The following NCALD variants were observed in gnomAD, a reference collection of about 807,000 sequenced individuals.
The protein encoded by NCALD is neurocalcin-delta.
Under a neutral mutation model 18.6 loss-of-function variants are expected in NCALD, and 10 were observed. The observed-to-expected ratio is 0.54, with a 90% CI of 0.33 to 0.91. The LOEUF is 0.91. Ranked by LOEUF, NCALD falls within the 40% of genes least tolerant of loss-of-function variation. The probability of loss-of-function intolerance (pLI) is 0.03; values close to 1 mark genes in which losing one functional copy is unlikely to be tolerated. For missense variants in NCALD, 184 were observed against 247.6 expected (o/e 0.74, Z 1.72); for synonymous variants, 88 against 87.4 (o/e 1.01, Z -0.04).
intron 1 of NCALD, among the ~76,000 whole-genome samples, chr8:101,776,877 C>G (rs1275514685): frequency 3.3e-5 from 5 of 152,170 alleles, no homozygotes; most frequent in Non-Finnish European, 7.3e-5. Context: ...AACAAAACAG[C>G]TCTATTTAGA....
At chr8:101,820,785 C>G (rs181751306) in intron 4 of NCALD, among the ~76,000 whole-genome samples, 2 of 152,150 alleles carry the variant, frequency 1.3e-5, no homozygotes, top group South Asian at 4.2e-4. Context: ...GTCCCTTGAC[C>G]CTTAACTTCT....
intron 2 of NCALD, among the ~76,000 whole-genome samples, chr8:101,993,577 A>T (rs1821130575): frequency 6.6e-6 from 1 of 152,206 alleles, no homozygotes; most frequent in Non-Finnish European, 1.5e-5. Context: ...AAGCAGGGGC[A>T]GGTCTGGCAC....
chr8:101,704,566 T>C (rs2130196650), intron 2 of NCALD, among the ~76,000 whole-genome samples: 1 of 152,266 alleles, frequency 6.6e-6, no homozygotes, highest in South Asian at 2.1e-4. Flanking sequence ...TTGAGAGAGA[T>C]GGGGACCCAG....
intron 1 of NCALD, among the ~76,000 whole-genome samples, chr8:101,729,462 T>C (rs560436830): frequency 2.2e-4 from 34 of 152,338 alleles, no homozygotes; most frequent in African/African-American, 7.7e-4. Context: ...CGAAATATGT[T>C]ACAAAGCCAT....
chr8:102,005,704 A>C (rs1398258341), intron 2 of NCALD, among the ~76,000 whole-genome samples: 2 of 152,220 alleles, frequency 1.3e-5, no homozygotes, highest in African/African-American at 4.8e-5. Context: ...TCCATAAAAA[A>C]TGATGACTTC....
chr8:101,848,693 A>G (rs1814971149), intron 4 of NCALD, among the ~76,000 whole-genome samples: 3 of 152,154 alleles, frequency 2.0e-5, no homozygotes, highest in Admixed American at 2.0e-4. Flanking sequence ...TTAAAGGATA[A>G]GATTTACAAT....
intron 1 of NCALD, among the ~76,000 whole-genome samples, chr8:101,742,757 C>T (rs1316362847): frequency 1.3e-5 from 2 of 152,026 alleles, no homozygotes; most frequent in Non-Finnish European, 2.9e-5. Flanking sequence ...TCTGCTGTGC[C>T]TGTCAACCTA....
chr8:102,097,303 C>T (rs1201979872), intron 1 of NCALD, among the ~76,000 whole-genome samples: 1 of 152,210 alleles, frequency 6.6e-6, no homozygotes, highest in Non-Finnish European at 1.5e-5. Context: ...CTAACATTCA[C>T]ACTGCACTTG....
At chr8:101,841,263 T>G (rs1163851280) in intron 4 of NCALD, among the ~76,000 whole-genome samples, 1 of 152,228 alleles carries the variant, frequency 6.6e-6, no homozygotes, top group African/African-American at 2.4e-5. Flanking sequence ...TGCTGTGGCC[T>G]GAAGCCAGTG....
chr8:101,954,744 T>C (rs1054743569), intron 2 of NCALD, among the ~76,000 whole-genome samples: 25 of 152,346 alleles, frequency 1.6e-4, no homozygotes, highest in African/African-American at 5.8e-4. Flanking sequence ...TTCCTGGCAG[T>C]GTAAATAGAC....
chr8:101,826,825 C>T (rs1357425946), intron 4 of NCALD, among the ~76,000 whole-genome samples: 1 of 152,162 alleles, frequency 6.6e-6, no homozygotes, highest in Non-Finnish European at 1.5e-5. Context: ...AATCACCTTG[C>T]CTCCGCTTTA....
chr8:101,996,272 G>A (rs925976044), intron 2 of NCALD, among the ~76,000 whole-genome samples: 45 of 152,224 alleles, frequency 3.0e-4, no homozygotes, highest in Admixed American at 1.0e-3. Context: ...TAAGTTTCCA[G>A]GCTGTATGCC....
chr8:101,723,547 A>T (rs1359429656), intron 1 of NCALD, among the ~76,000 whole-genome samples: 2 of 152,242 alleles, frequency 1.3e-5, no homozygotes, highest in African/African-American at 4.8e-5. Flanking sequence ...TTATTTAAAT[A>T]GTCAAAAATA....
At chr8:101,939,800 A>T (rs17495818) in intron 2 of NCALD, among the ~76,000 whole-genome samples, 10 of 151,998 alleles carry the variant, frequency 6.6e-5, no homozygotes, top group Non-Finnish European at 1.0e-4. Flanking sequence ...GGTATTTCCC[A>T]TCTGATAATG....
intron 2 of NCALD, among the ~76,000 whole-genome samples, chr8:101,943,282 T>G (rs1405547516): frequency 6.6e-6 from 1 of 152,206 alleles, no homozygotes; most frequent in East Asian, 1.9e-4. Flanking sequence ...CCTAGAACTT[T>G]ACCAACAACC....
At chr8:101,779,939 G>A (rs1811946864) in intron 1 of NCALD, 1 of 152,022 alleles carries the variant, frequency 6.6e-6, no homozygotes, top group African/African-American at 2.4e-5. Flanking sequence ...ACAGCTGTGT[G>A]AAGTTCAAAT....
intron 1 of NCALD, among the ~76,000 whole-genome samples, chr8:102,026,116 C>T (rs1314513873): frequency 1.3e-5 from 2 of 152,192 alleles, no homozygotes; most frequent in Non-Finnish European, 2.9e-5. Context: ...ATGGGAACTA[C>T]AGTTCAAGAT....
intron 2 of NCALD, among the ~76,000 whole-genome samples, chr8:102,003,505 A>G (rs898748797): frequency 7.1e-4 from 108 of 152,362 alleles, no homozygotes; most frequent in Middle Eastern, 3.4e-3. Context: ...ATAGAAAAAG[A>G]GGGAATCCTC....
chr8:101,801,184 A>G lies in NCALD; in HGVS notation c.-19-81536T>C, dbSNP rs546047407. On this transcript the variant is annotated intron_variant, in intron 4 of 6. Transcript: ENST00000311028. ...AGCAAGAAGTGCTACTAAAGATATA[A>G]ATACTTCATAATTTACCTTTCCAAA... is the stretch of plus-strand genomic sequence containing the variant. Among the ~76,000 whole-genome samples the G allele has an allele frequency of 3.0e-4, 46 of 152,304 alleles. 1 individual carries two copies. In the South Asian group the frequency reaches 9.3e-3, roughly 31 times the overall value.
Sources: allele counts gnomAD v4.1 joint callset (sites outside exome capture counted in the v4.1 genomes callset), GRCh38; gene constraint gnomAD v4.1.1; transcripts MANE v1.5; gene names NCBI Gene and HGNC (gene_info 2026-07-23, HGNC 2026-07-21).